Variants in HS3ST2 observed in about 807,000 individuals in gnomAD.
The protein encoded by HS3ST2 is heparan sulfate-glucosamine 3-sulfotransferase 2.
In HS3ST2, 17 loss-of-function variants were observed where a neutral mutation model predicts 26.3. The observed-to-expected ratio is 0.65, with a 90% CI of 0.44 to 0.97. The LOEUF is 0.97. HS3ST2 is among the 50% of genes least tolerant of loss of function. The pLI, the probability that HS3ST2 is intolerant of heterozygous loss-of-function variation, is 0.00. For synonymous variants in HS3ST2, 237 were observed against 219.2 expected, an observed-to-expected ratio of 1.08 and a Z score of -0.72; for missense variants, 402 against 501.2, an observed-to-expected ratio of 0.80 and a Z score of 1.89.
intron 1 of HS3ST2, among the ~76,000 whole-genome samples, chr16:22,871,066 A>C (rs2141193152): frequency 6.6e-6 from 1 of 152,298 alleles, no homozygotes; most frequent in Non-Finnish European, 1.5e-5. Flanking sequence ...CTTATAAAAT[A>C]GGCTTTGTGG....
intron 1 of HS3ST2, among the ~76,000 whole-genome samples, chr16:22,817,316 G>C (rs760296605): frequency 4.6e-5 from 7 of 152,020 alleles, no homozygotes; most frequent in African/African-American, 7.3e-5. Context: ...GACCAGGAAG[G>C]CTGGGAGGCT....
chr16:22,863,466 C>T (rs985826964), intron 1 of HS3ST2, among the ~76,000 whole-genome samples: 2 of 152,086 alleles, frequency 1.3e-5, no homozygotes, highest in African/African-American at 2.4e-5. Flanking sequence ...AGGAGGTGCA[C>T]GTACAGGTTT....
intron 1 of HS3ST2, among the ~76,000 whole-genome samples, chr16:22,897,322 C>T (rs995630729): frequency 2.2e-4 from 33 of 152,128 alleles, no homozygotes; most frequent in Admixed American, 1.8e-3. Context: ...TATTTATAGC[C>T]GTGACTTCAG....
chr16:22,832,065 C>CTT (rs1275103878), intron 1 of HS3ST2, among the ~76,000 whole-genome samples: 1 of 151,902 alleles, frequency 6.6e-6, no homozygotes, highest in Non-Finnish European at 1.5e-5. Flanking sequence ...TCACTGTAGC[C>CTT]TTGGGCTCCC....
intron 1 of HS3ST2, among the ~76,000 whole-genome samples, chr16:22,888,160 A>T (rs1007008254): frequency 6.6e-6 from 1 of 152,016 alleles, no homozygotes; most frequent in African/African-American, 2.4e-5. Context: ...TTCTTAGGTC[A>T]CCTTCCAAAT....
chr16:22,823,832 CAAAAG>C (rs1403015902), intron 1 of HS3ST2, among the ~76,000 whole-genome samples: 2 of 152,202 alleles, frequency 1.3e-5, no homozygotes, highest in African/African-American at 4.8e-5. Flanking sequence ...AGAGATGAGC[CAAAAG>C]AAAACTCAGA....
At chr16:22,882,649 T>G (rs1207684079) in intron 1 of HS3ST2, among the ~76,000 whole-genome samples, 1 of 152,026 alleles carries the variant, frequency 6.6e-6, no homozygotes, top group Non-Finnish European at 1.5e-5. Flanking sequence ...CAGACTTGCT[T>G]GAACCCAGGA....
At chr16:22,903,878 T>C (rs929169546) in intron 1 of HS3ST2, among the ~76,000 whole-genome samples, 2 of 152,182 alleles carry the variant, frequency 1.3e-5, no homozygotes, top group African/African-American at 4.8e-5. Context: ...CTTCTCACCA[T>C]GTCATTGAGG....
intron 1 of HS3ST2, among the ~76,000 whole-genome samples, chr16:22,823,942 T>A (rs1057346784): frequency 2.6e-5 from 4 of 152,220 alleles, no homozygotes; most frequent in Non-Finnish European, 4.4e-5. Context: ...AAGGGTGTGG[T>A]GAGCATTTAA....
At chr16:22,843,316 A>G (rs1211492254) in intron 1 of HS3ST2, among the ~76,000 whole-genome samples, 1 of 152,086 alleles carries the variant, frequency 6.6e-6, no homozygotes, top group East Asian at 1.9e-4. Flanking sequence ...ACTGTCCTCT[A>G]ATTCAATTCT....
intron 1 of HS3ST2, among the ~76,000 whole-genome samples, chr16:22,875,698 T>C (rs1901906249): frequency 6.6e-6 from 1 of 152,176 alleles, no homozygotes; most frequent in Admixed American, 6.5e-5. Flanking sequence ...ACAGCATTTA[T>C]AAAACCTGCA....
intron 1 of HS3ST2, among the ~76,000 whole-genome samples, chr16:22,883,649 A>G (rs1376110562): frequency 1.3e-5 from 2 of 152,204 alleles, no homozygotes; most frequent in African/African-American, 4.8e-5. Context: ...TAAACTGTAC[A>G]CTTCCCTTCG....
At chr16:22,825,424 C>T (rs1436525768) in intron 1 of HS3ST2, among the ~76,000 whole-genome samples, 2 of 152,174 alleles carry the variant, frequency 1.3e-5, no homozygotes, top group Non-Finnish European at 2.9e-5. Flanking sequence ...GGGCTCTTCA[C>T]TGTTTGGTGA....
At chr16:22,866,906 G>A (rs962952860) in intron 1 of HS3ST2, among the ~76,000 whole-genome samples, 2 of 152,124 alleles carry the variant, frequency 1.3e-5, no homozygotes, top group African/African-American at 4.8e-5. Context: ...ATACCTGGAT[G>A]TTAATTCTCC....
intron 1 of HS3ST2, among the ~76,000 whole-genome samples, chr16:22,848,443 A>AC (rs1482460115): frequency 1.3e-5 from 2 of 152,178 alleles, no homozygotes; most frequent in African/African-American, 4.8e-5. Flanking sequence ...TTTTGAACAG[A>AC]CATTAACTGA....
chr16:22,858,754 A>G (rs1474156511), intron 1 of HS3ST2, among the ~76,000 whole-genome samples: 1 of 152,086 alleles, frequency 6.6e-6, no homozygotes, highest in Non-Finnish European at 1.5e-5. Context: ...AAATGAGGAA[A>G]ATGGTTCCTT....
chr16:22,814,639 G>A lies in HS3ST2; in HGVS notation c.29G>A (p.Gly10Glu), dbSNP rs1438548273. The change falls in exon 1 of 2, where the codon GGG becomes GAG. Residue 10 changes from glycine to glutamate, a missense_variant. Physicochemically the swap from Gly to Glu is moderately conservative, Grantham distance 98 (BLOSUM62 -2). Transcript: ENST00000261374. ...GCCTATAGGGTCCTGGGCCGCGCGG[G>A]GCCACCTCAGCCGCGGAGGGCGCGC... Reference protein sequence around the residue: MAYRVLGRAGPPQPRRARRL... With the variant: MAYRVLGRAEPPQPRRARRL... 2 of 1,554,406 alleles carry A rather than the reference G, an allele frequency of 1.3e-6. No individual in the cohort carries two copies. The highest frequency in any genetic ancestry group is 8.7e-7 in the Non-Finnish European group (1 of 1,150,698).
intron 1 of HS3ST2, among the ~76,000 whole-genome samples, chr16:22,888,931 T>G (rs1307052779): frequency 6.6e-6 from 1 of 152,234 alleles, no homozygotes; most frequent in Admixed American, 6.5e-5. Flanking sequence ...TTTGTAGCCC[T>G]TTGTCTTCTT....
chr16:22,899,087 G>A (rs1050309158), intron 1 of HS3ST2, among the ~76,000 whole-genome samples: 2 of 152,216 alleles, frequency 1.3e-5, no homozygotes, highest in Non-Finnish European at 2.9e-5. Context: ...GGAGACTGAA[G>A]TGTGAAGTTG....
Sources: gnomAD v4.1 joint callset for allele counts (sites outside exome capture counted in the v4.1 genomes callset) on GRCh38, gnomAD v4.1.1 for gene constraint, MANE v1.5 for transcripts, NCBI Gene and HGNC (gene_info 2026-07-23, HGNC 2026-07-21) for gene names.